The following GRIK2 variants were observed in gnomAD, a reference collection of about 807,000 sequenced individuals.
The protein encoded by GRIK2 is glutamate receptor ionotropic, kainate 2.
A neutral mutation model predicts 100.3 loss-of-function variants in GRIK2; 32 were observed. That is an observed-to-expected ratio of 0.32 (90% CI 0.24 to 0.43). The LOEUF (loss-of-function observed/expected upper bound fraction) is 0.43. Ranked by LOEUF, GRIK2 falls within the 20% of genes least tolerant of loss-of-function variation. The pLI is 1.00. For synonymous variants in GRIK2, 417 were observed against 389.4 expected, an observed-to-expected ratio of 1.07 and a Z score of -0.83; for missense variants, 843 against 1,114.9, an observed-to-expected ratio of 0.76 and a Z score of 3.47.
At chr6:101,703,254 G>C (rs1773022041) in intron 7 of GRIK2, among the ~76,000 whole-genome samples, 1 of 151,858 alleles carries the variant, frequency 6.6e-6, no homozygotes, top group Admixed American at 6.6e-5. Flanking sequence ...AGTGTGAATA[G>C]AGGAGTGCCA....
At chr6:101,963,337 G>A (rs34922049) in intron 14 of GRIK2, among the ~76,000 whole-genome samples, 1,018 of 98,192 alleles carry the variant, frequency 0.01, 4 homozygotes, top group Admixed American at 0.017. Flanking sequence ...TAGCTCTGTC[G>A]CCCAGGCTGG....
At chr6:102,026,340 A>T (rs1177666796) in intron 14 of GRIK2, among the ~76,000 whole-genome samples, 2 of 150,796 alleles carry the variant, frequency 1.3e-5, no homozygotes, top group African/African-American at 4.8e-5. Context: ...ATATTGTTAA[A>T]GAAGCTTTTT....
chr6:101,420,967 G>T (rs1461677183), intron 2 of GRIK2, among the ~76,000 whole-genome samples: 1 of 152,192 alleles, frequency 6.6e-6, no homozygotes, highest in African/African-American at 2.4e-5. Context: ...TGCAGGAAAA[G>T]ACATGGGGCC....
chr6:101,556,578 A>G (rs1776762594), intron 2 of GRIK2, among the ~76,000 whole-genome samples: 1 of 152,076 alleles, frequency 6.6e-6, no homozygotes, highest in Non-Finnish European at 1.5e-5. Flanking sequence ...TTATTGAACT[A>G]TAAGAAGTTA....
intron 15 of GRIK2, among the ~76,000 whole-genome samples, chr6:102,050,668 C>A (rs1212717577): frequency 1.8e-3 from 194 of 106,762 alleles, no homozygotes; most frequent in South Asian, 2.4e-3. Flanking sequence ...AAAAAAAAAA[C>A]GGAATAAGAA....
intron 4 of GRIK2, among the ~76,000 whole-genome samples, chr6:101,648,219 T>C (rs1370425310): frequency 1.3e-5 from 2 of 152,078 alleles, no homozygotes; most frequent in African/African-American, 4.8e-5. Context: ...CTACTATAAA[T>C]AGACTCAGTA....
chr6:101,623,883 G>A (rs1422607801), intron 3 of GRIK2, among the ~76,000 whole-genome samples: 1 of 151,896 alleles, frequency 6.6e-6, no homozygotes, highest in East Asian at 1.9e-4. Flanking sequence ...CTGCTTGGAG[G>A]ACACAGCAAT....
At chr6:101,897,148 T>C (rs1787523056) in intron 12 of GRIK2, among the ~76,000 whole-genome samples, 1 of 151,924 alleles carries the variant, frequency 6.6e-6, no homozygotes, top group Non-Finnish European at 1.5e-5. Context: ...GTGTCTTTTA[T>C]ACATTTCTCA....
intron 9 of GRIK2, among the ~76,000 whole-genome samples, chr6:101,811,700 C>G (rs1781333950): frequency 6.6e-6 from 1 of 151,750 alleles, no homozygotes. Flanking sequence ...TAACATGCAT[C>G]TTTAGAAGAA....
chr6:101,611,262 T>C (rs1013772742), intron 2 of GRIK2, among the ~76,000 whole-genome samples: 1 of 151,934 alleles, frequency 6.6e-6, no homozygotes, highest in African/African-American at 2.4e-5. Context: ...TTCCTGCAAC[T>C]TGATTTCAGT....
At chr6:101,801,162 C>T (rs1017493834) in intron 8 of GRIK2, among the ~76,000 whole-genome samples, 1 of 152,016 alleles carries the variant, frequency 6.6e-6, no homozygotes, top group African/African-American at 2.4e-5. Flanking sequence ...TTTCTTTATG[C>T]TCTCTCTACC....
At chr6:101,808,002 G>T (rs1401239128) in intron 9 of GRIK2, among the ~76,000 whole-genome samples, 1 of 151,938 alleles carries the variant, frequency 6.6e-6, no homozygotes, top group Non-Finnish European at 1.5e-5. Context: ...TGTTTTTTTG[G>T]TTTGTTTTGT....
At chr6:101,635,112 G>C (rs1246420969) in intron 4 of GRIK2, among the ~76,000 whole-genome samples, 1 of 152,002 alleles carries the variant, frequency 6.6e-6, no homozygotes, top group Admixed American at 6.6e-5. Context: ...TTATTTTAGG[G>C]AGTGGGGTAA....
rs1206250819 is a variant in GRIK2 at position 101,969,774 on chromosome 6, T to G, written c.2085+41142T>G. On this transcript the variant is annotated intron_variant, in intron 14 of 16. Coordinates refer to ENST00000369134, the MANE Select transcript of GRIK2 (RefSeq NM_021956.5). ...TAGATAAGTCCACATAAAACATAAA[T>G]TGGAGTAATCATAAGGAGCAGCATA... 2.0e-5 allele frequency among the ~76,000 whole-genome samples: 3 copies of G among 152,146 alleles called. No individual in the cohort carries two copies. In the South Asian group the frequency reaches 6.2e-4, roughly 32 times the overall value.
chr6:101,840,077 C>T (rs1783400140), intron 10 of GRIK2, among the ~76,000 whole-genome samples: 1 of 152,106 alleles, frequency 6.6e-6, no homozygotes, highest in African/African-American at 2.4e-5. Flanking sequence ...CACTATTGGA[C>T]ATTTCTTTCT....
chr6:101,826,664 T>C (rs887847824), intron 10 of GRIK2, among the ~76,000 whole-genome samples: 1 of 152,050 alleles, frequency 6.6e-6, no homozygotes, highest in African/African-American at 2.4e-5. Flanking sequence ...AACTTCAGCT[T>C]TTTCTTTCTT....
chr6:102,016,470 G>A (rs1276075911), intron 14 of GRIK2, among the ~76,000 whole-genome samples: 1 of 151,478 alleles, frequency 6.6e-6, no homozygotes, highest in African/African-American at 2.4e-5. Flanking sequence ...CATGTCACAT[G>A]TATACATATG....
chr6:101,440,828 C>A (rs983400024), intron 2 of GRIK2, among the ~76,000 whole-genome samples: 2 of 151,868 alleles, frequency 1.3e-5, no homozygotes, highest in Non-Finnish European at 2.9e-5. Flanking sequence ...TACGCAAGGG[C>A]CTTTAGGACC....
intron 9 of GRIK2, among the ~76,000 whole-genome samples, chr6:101,809,589 C>A (rs530272527): frequency 1.5e-4 from 23 of 152,076 alleles, no homozygotes; most frequent in Non-Finnish European, 2.9e-4. Flanking sequence ...ATACCCAGTG[C>A]CCATGGCAAC....
Sources: allele counts gnomAD v4.1 joint callset (sites outside exome capture counted in the v4.1 genomes callset), GRCh38; gene constraint gnomAD v4.1.1; transcripts MANE v1.5; gene names NCBI Gene and HGNC (gene_info 2026-07-23, HGNC 2026-07-21).